LRP5: variants seen among roughly 807,000 people sequenced by gnomAD.
LRP5 encodes LDL receptor related protein 5, also known as low-density lipoprotein receptor-related protein 5.
A neutral mutation model predicts 154.1 loss-of-function variants in LRP5; 62 were observed. The observed-to-expected ratio is 0.40, with a 90% CI of 0.33 to 0.50. The LOEUF is 0.50. Among genes scored for constraint, LRP5 ranks in the 20% least tolerant of loss-of-function variants. The pLI is 0.55. For missense variants in LRP5, 1,915 were observed against 2,336.7 expected (o/e 0.82, Z 3.72); for synonymous variants, 966 against 1,011.5 (o/e 0.96, Z 0.85).
chr11:68,394,679 T>C (rs2098648250), intron 7 of LRP5, among the ~76,000 whole-genome samples: 2 of 151,400 alleles, frequency 1.3e-5, no homozygotes, highest in Non-Finnish European at 2.9e-5. Flanking sequence ...TTAGCCAGGA[T>C]GGTCTCGATC....
intron 21 of LRP5, 105 bp from the exon 22 acceptor site, chr11:68,446,331 G>T: frequency 2.4e-6 from 2 of 837,852 alleles, no homozygotes; most frequent in East Asian, 2.5e-5. Context: ...GGGAAGCAGG[G>T]GGGCCAGAAG....
At chr11:68,304,325 G>GTGTTAACA in the LRP5 span, among the ~76,000 whole-genome samples, 1 of 152,266 alleles carries the variant, frequency 6.6e-6, no homozygotes, top group Non-Finnish European at 1.5e-5. Context: ...CAGCTTCCAT[G>GTGTTAACA]TGGTGTTAAG....
At chr11:68,409,810 A>G in intron 9 of LRP5, 104 bp from the exon 10 acceptor site, 3 of 887,188 alleles carry the variant, frequency 3.4e-6, no homozygotes, top group East Asian at 2.6e-5. Context: ...AGATCGCACC[A>G]TTGCACTCCA....
chr11:68,397,765 G>A (rs1012384185), intron 7 of LRP5, among the ~76,000 whole-genome samples: 3 of 152,202 alleles, frequency 2.0e-5, no homozygotes, highest in Admixed American at 6.5e-5. Flanking sequence ...GACCCCTGAC[G>A]GGGACTCAGG....
chr11:68,336,069 C>A (rs539916575), intron 1 of LRP5, among the ~76,000 whole-genome samples: 14 of 152,250 alleles, frequency 9.2e-5, no homozygotes, highest in South Asian at 4.1e-4. Flanking sequence ...AAGCAATGAC[C>A]CCAAGTAGCA....
At chr11:68,376,238 A>C (rs913236912) in intron 5 of LRP5, among the ~76,000 whole-genome samples, 1 of 144,128 alleles carries the variant, frequency 6.9e-6, no homozygotes, top group African/African-American at 2.6e-5. Context: ...CTGGAGTGCA[A>C]TGGCGCGATC....
chr11:68,386,395 C>T lies in LRP5; in HGVS notation c.1095C>T (p.Ile365=), dbSNP rs1355913820. Residue 365 remains isoleucine, a synonymous_variant, in exon 6 of 23, where the codon ATC becomes ATT. Coordinates refer to ENST00000294304, the MANE Select transcript of LRP5 (RefSeq NM_002335.4). The surrounding 1 kb of genome is among the most constrained non-coding windows in gnomAD (Gnocchi z 7.9). ...ISLDTPDFTD[I]VLQVDDIRHA... ...TGGACACGCCGGACTTCACCGACAT[C>T]GTGCTGCAGGTGGACGACATCCGGC... The T allele has an allele frequency of 4.3e-6, 7 of 1,613,796 alleles. No individual in the cohort carries two copies. The highest frequency in any genetic ancestry group is 3.3e-5 in the Admixed American group (2 of 60,008).
Position 68,410,053 on chromosome 11 carries a change from T to C in LRP5, c.2231T>C (p.Val744Ala). 6.2e-7 allele frequency: 1 copy of C among 1,613,914 alleles called. No homozygotes were observed. The highest frequency in any genetic ancestry group is 8.5e-7 in the Non-Finnish European group (1 of 1,179,968). The change falls in exon 10 of 23, where the codon GTG (valine) becomes GCG (alanine). Residue 744 changes from valine to alanine, a missense_variant. By Grantham distance (64) the Val-to-Ala change is moderately conservative (BLOSUM62 0). Transcript: ENST00000294304. ...GACACTGGGACCAACAGAATCGAAG[T>C]GGCGCGGCTGGACGGGCAGTTCCGG... ...WADTGTNRIE[V>A]ARLDGQFRQV...
rs1356963631 is a variant in LRP5 at position 68,423,015 on chromosome 11, G to A, written c.3028-474G>A. On this transcript the variant is annotated intron_variant, in intron 13 of 22. Transcript: ENST00000294304. The surrounding 1 kb of genome is among the most constrained non-coding windows in gnomAD (Gnocchi z 4.7). ...GCAGAGAAAACAGTACGTGAGGGCC[G>A]CAGTCCAAAAGCTTGAGTCCTGGAA... Among the ~76,000 whole-genome samples the A allele has an allele frequency of 5.9e-5, 9 of 152,284 alleles. No individual in the cohort carries two copies. Among genetic ancestry groups the A allele is most frequent in the South Asian group, 2.1e-4 (1 of 4,826 alleles).
chr11:68,400,132 C>T (rs1049037140), intron 7 of LRP5, among the ~76,000 whole-genome samples: 5 of 152,080 alleles, frequency 3.3e-5, no homozygotes, highest in African/African-American at 4.8e-5. Flanking sequence ...TTGCGCTTGC[C>T]GAGGCTACAG....
chr11:68,411,362 C>T (rs1033662807), intron 10 of LRP5, 74 bp from the exon 11 acceptor site: 111 of 1,498,924 alleles, frequency 7.4e-5, no homozygotes, highest in African/African-American at 4.3e-4. Flanking sequence ...GGGACAGTTG[C>T]GTCCCCCCGC....
At chr11:68,411,363 G>A (rs891994665) in intron 10 of LRP5, 73 bp from the exon 11 acceptor site, 86 of 1,524,452 alleles carry the variant, frequency 5.6e-5, no homozygotes, top group Non-Finnish European at 7.4e-5. Flanking sequence ...GGACAGTTGC[G>A]TCCCCCCGCC....
chr11:68,390,992 G>C (rs1433511166), intron 7 of LRP5, among the ~76,000 whole-genome samples: 1 of 152,196 alleles, frequency 6.6e-6, no homozygotes. Context: ...GTTTGTTTTT[G>C]TTGTCGTTGT....
At chr11:68,441,877 G>A (rs1323352045) in intron 21 of LRP5, among the ~76,000 whole-genome samples, 1 of 152,202 alleles carries the variant, frequency 6.6e-6, no homozygotes, top group Non-Finnish European at 1.5e-5. Flanking sequence ...AAGAAACTCT[G>A]CATGAAGCCA....
chr11:68,415,419 C>T (rs1358876998), intron 12 of LRP5, among the ~76,000 whole-genome samples: 1 of 152,204 alleles, frequency 6.6e-6, no homozygotes, highest in Admixed American at 6.5e-5. Flanking sequence ...CTACCATTAC[C>T]TGCCTTCCGT....
chr11:68,427,124 C>T (rs1268461724), intron 16 of LRP5, among the ~76,000 whole-genome samples: 15 of 152,176 alleles, frequency 9.9e-5, no homozygotes, highest in Admixed American at 5.9e-4. Flanking sequence ...GACTCCAAGT[C>T]GGCTGATTAA....
intron 1 of LRP5, among the ~76,000 whole-genome samples, chr11:68,341,062 T>C (rs1477575641): frequency 6.2e-5 from 9 of 144,122 alleles, no homozygotes; most frequent in Admixed American, 2.1e-4. Flanking sequence ...GATTGTTCTT[T>C]TTTTTTTTTT....
chr11:68,419,821 T>C (rs750422407), intron 13 of LRP5, among the ~76,000 whole-genome samples: 1 of 151,664 alleles, frequency 6.6e-6, no homozygotes, highest in Admixed American at 6.6e-5. Context: ...AGATTACAGG[T>C]GTGAGCCACC....
At chr11:68,398,147 C>A (rs548045945) in intron 7 of LRP5, among the ~76,000 whole-genome samples, 1 of 152,294 alleles carries the variant, frequency 6.6e-6, no homozygotes, top group Non-Finnish European at 1.5e-5. Flanking sequence ...CCTTTAAACA[C>A]GTGCTGTCAG....
Sources: allele counts gnomAD v4.1 joint callset (sites outside exome capture counted in the v4.1 genomes callset), GRCh38; gene constraint gnomAD v4.1.1; non-coding constraint Gnocchi (gnomAD v3.1); transcripts MANE v1.5; gene names NCBI Gene and HGNC (gene_info 2026-07-23, HGNC 2026-07-21).